Variants in NHS observed in about 807,000 individuals in gnomAD.
NHS encodes the protein actin remodeling regulator NHS.
A neutral mutation model predicts 72.5 loss-of-function variants in NHS; 5 were observed. The observed-to-expected ratio is 0.07, with a 90% CI of 0.04 to 0.14. The LOEUF (loss-of-function observed/expected upper bound fraction) is 0.14. Ranked by LOEUF, NHS falls within the 10% of genes least tolerant of loss-of-function variation. NHS has a pLI of 1.00. For synonymous variants in NHS, 464 were observed against 547.7 expected (o/e 0.85, Z 2.13); for missense variants, 1,072 against 1,355.7 (o/e 0.79, Z 3.29).
intron 5 of NHS, 21 bp downstream of exon 5, chrX:17,721,654 T>C (rs952335667): frequency 8.5e-7 from 1 of 1,172,294 alleles, no homozygotes; most frequent in Admixed American, 2.2e-5. Context: ...GGTTTTTTCT[T>C]AGGGGCAGTC....
At chrX:17,492,719 A>G (rs1426353095) in intron 1 of NHS, among the ~76,000 whole-genome samples, 2 of 111,598 alleles carry the variant, frequency 1.8e-5, no homozygotes, top group South Asian at 3.8e-4. Context: ...GATCTGTCTA[A>G]TATTGACAGT....
intron 1 of NHS, among the ~76,000 whole-genome samples, chrX:17,383,933 A>C (rs1481735645): frequency 3.6e-5 from 4 of 112,110 alleles, no homozygotes; most frequent in African/African-American, 1.3e-4. Context: ...AAATTTCTCC[A>C]TGTTCTATTG....
intron 1 of NHS, among the ~76,000 whole-genome samples, chrX:17,532,355 C>T (rs1048232085): frequency 1.8e-5 from 2 of 110,408 alleles, no homozygotes; most frequent in African/African-American, 3.3e-5. Context: ...GGCACTGGAC[C>T]GGAGCCCCAG....
intron 1 of NHS, among the ~76,000 whole-genome samples, chrX:17,491,200 G>T (rs1191563866): frequency 4.5e-5 from 5 of 111,258 alleles, no homozygotes; most frequent in South Asian, 7.6e-4. Flanking sequence ...CCTTGTCTTG[G>T]GCCGCTTTTC....
At chrX:17,724,737 T>C (rs952598332) in intron 6 of NHS, among the ~76,000 whole-genome samples, 2 of 112,270 alleles carry the variant, frequency 1.8e-5, no homozygotes, top group African/African-American at 6.5e-5. Context: ...CAATGAAAGT[T>C]TTCTTTTTGG....
chrX:17,597,415 G>A (rs192730586), intron 1 of NHS, among the ~76,000 whole-genome samples: 1 of 106,982 alleles, frequency 9.3e-6, no homozygotes, highest in African/African-American at 3.4e-5. Context: ...GTGAGCCACC[G>A]CGCCTGGCTA....
At chrX:17,716,663 CA>C (rs2066365809) in intron 3 of NHS, among the ~76,000 whole-genome samples, 1 of 111,684 alleles carries the variant, frequency 9.0e-6, no homozygotes, top group Non-Finnish European at 1.9e-5. Context: ...AGATCTAGAT[CA>C]AAATTAACTG....
At chrX:17,448,875 T>C (rs1249255429) in intron 1 of NHS, among the ~76,000 whole-genome samples, 1 of 112,506 alleles carries the variant, frequency 8.9e-6, no homozygotes, top group East Asian at 2.8e-4. Context: ...CGTTTGCTGG[T>C]CTAGGCATTA....
intron 1 of NHS, among the ~76,000 whole-genome samples, chrX:17,592,057 CAT>C (rs2065605425): frequency 9.0e-6 from 1 of 111,291 alleles, no homozygotes; most frequent in South Asian, 3.8e-4. Context: ...TGCAAATACA[CAT>C]ATGTATAATA....
At chrX:17,557,228 A>G (rs1433210336) in intron 1 of NHS, 1 of 103,507 alleles carries the variant, frequency 9.7e-6, no homozygotes, top group Non-Finnish European at 2.0e-5. Flanking sequence ...AGAGAGTTCA[A>G]ATACCCTCCA....
intron 1 of NHS, among the ~76,000 whole-genome samples, chrX:17,585,658 A>G (rs6632996): frequency 0.11 from 12,363 of 109,415 alleles, 1,489 homozygotes; most frequent in African/African-American, 0.35. Context: ...AAGCACCTGC[A>G]GCCTTCCTAC....
At chrX:17,528,814 G>T (rs1443699974) in intron 1 of NHS, 2 of 111,833 alleles carry the variant, frequency 1.8e-5, no homozygotes, top group Non-Finnish European at 3.8e-5. Flanking sequence ...TAAATATATG[G>T]TCTCTTGGAG....
chrX:17,571,483 G>C (rs1367504860), intron 1 of NHS, among the ~76,000 whole-genome samples: 1 of 112,015 alleles, frequency 8.9e-6, no homozygotes, highest in African/African-American at 3.3e-5. Flanking sequence ...TTGTCTGATG[G>C]TAGTTTGTAT....
chrX:17,543,202 C>T (rs1385130811), intron 1 of NHS, among the ~76,000 whole-genome samples: 5 of 111,590 alleles, frequency 4.5e-5, no homozygotes, highest in South Asian at 3.8e-4. Context: ...ACACTTTGAG[C>T]GGCAGCATTG....
rs778563618 is a variant in NHS at position 17,724,323 on chromosome X, G to A, written c.1133G>A (p.Ser378Asn). The A allele has an allele frequency of 8.3e-7, 1 of 1,210,251 alleles. No individual in the cohort carries two copies. Among genetic ancestry groups the A allele is most frequent in the Non-Finnish European group, 1.1e-6 (1 of 895,329 alleles). ...GGAGTTGGCTTTGACAGAGAGGCTA[G>A]TATACGCTGCTCTCTGGTTCATTCA... ...VTGVGFDREA[S>N]IRCSLVHSQS... The change falls in exon 6 of 9, where the codon AGT (serine) becomes AAT (asparagine). Residue 378 changes from serine (S) to asparagine (N), a missense_variant. Physicochemically the swap from Ser to Asn is conservative, Grantham distance 46. Transcript: ENST00000676302.
chrX:17,574,683 G>A (rs2065500343), intron 1 of NHS, among the ~76,000 whole-genome samples: 1 of 111,687 alleles, frequency 9.0e-6, no homozygotes, highest in Admixed American at 9.5e-5. Context: ...ATCCTGCTTC[G>A]GCTCACCCTC....
At chrX:17,527,906 G>A (rs1214695611) in intron 1 of NHS, among the ~76,000 whole-genome samples, 2 of 8,503 alleles carry the variant, frequency 2.4e-4, no homozygotes, top group African/African-American at 5.3e-4. Flanking sequence ...TGGGTTGCAC[G>A]ACTATACCCA....
At chrX:17,500,638 G>A (rs1297107937) in intron 1 of NHS, among the ~76,000 whole-genome samples, 1 of 112,138 alleles carries the variant, frequency 8.9e-6, no homozygotes, top group Non-Finnish European at 1.9e-5. Flanking sequence ...TGAAGCTAGG[G>A]AAAGGACTTT....
chrX:17,410,422 A>G (rs754514784), intron 1 of NHS, among the ~76,000 whole-genome samples: 1 of 110,305 alleles, frequency 9.1e-6, no homozygotes, highest in East Asian at 2.9e-4. Context: ...TGGGATAATA[A>G]CTAGTTCATT....
Sources: allele counts gnomAD v4.1 joint callset (sites outside exome capture counted in the v4.1 genomes callset), GRCh38; gene constraint gnomAD v4.1.1; transcripts MANE v1.5; gene names NCBI Gene and HGNC (gene_info 2026-07-23, HGNC 2026-07-21).